The following BIVM variants were observed in gnomAD, a reference collection of about 807,000 sequenced individuals.
The protein encoded by BIVM is basic, immunoglobulin-like variable motif containing, also known as basic immunoglobulin-like variable motif-containing protein.
A neutral mutation model predicts 61.4 loss-of-function variants in BIVM; 31 were observed. That is an observed-to-expected ratio of 0.51 (90% CI 0.38 to 0.68). The LOEUF is 0.68. Among genes scored for constraint, BIVM ranks in the 30% least tolerant of loss-of-function variants. The pLI is 0.00. For missense variants in BIVM, 526 were observed against 596.0 expected (o/e 0.88, Z 1.22); for synonymous variants, 189 against 210.7 (o/e 0.90, Z 0.89).
chr13:102,821,955 C>G, intron 6 of BIVM, 108 bp downstream of exon 6: 3 of 1,522,602 alleles, frequency 2.0e-6, no homozygotes, highest in Non-Finnish European at 2.7e-6. Flanking sequence ...GGGCTTCAAC[C>G]TCTCATAGGT....
rs550981439 is a variant in BIVM at position 102,820,142 on chromosome 13, A to G, written c.606-895A>G. Among the ~76,000 whole-genome samples the G allele has an allele frequency of 3.3e-5, 5 of 152,236 alleles. No homozygotes were observed. The South Asian group carries it at 1.0e-3, about 32-fold the overall frequency. On this transcript the variant is annotated intron_variant, in intron 4 of 10. Coordinates refer to ENST00000257336, the MANE Select transcript of BIVM (RefSeq NM_017693.4). ...GGCTGAGGTGGAAGATCACAAGGTC[A>G]AGAGATTGAGACCATCCTGGCCAAC...
chr13:102,804,294 G>A (rs969041712), intron 1 of BIVM, among the ~76,000 whole-genome samples: 3 of 151,616 alleles, frequency 2.0e-5, no homozygotes, highest in Non-Finnish European at 4.4e-5. Flanking sequence ...ACAGGCATGC[G>A]TCACTACCGC....
At chr13:102,832,529 A>G (rs1881160599) in intron 8 of BIVM, among the ~76,000 whole-genome samples, 1 of 152,200 alleles carries the variant, frequency 6.6e-6, no homozygotes, top group Non-Finnish European at 1.5e-5. Flanking sequence ...ATTTATTATA[A>G]AACAGTTGCA....
chr13:102,813,657 A>G (rs1879653056), intron 3 of BIVM, among the ~76,000 whole-genome samples: 1 of 152,120 alleles, frequency 6.6e-6, no homozygotes, highest in Non-Finnish European at 1.5e-5. Context: ...TGTATCCTAG[A>G]GAGTGGGACT....
At chr13:102,820,904 G>A in intron 4 of BIVM, 133 bp from the exon 5 acceptor site, 1 of 765,092 alleles carries the variant, frequency 1.3e-6, no homozygotes, top group South Asian at 1.7e-5. Context: ...AAGTGAATAT[G>A]GAAGATTTTA....
Position 102,838,623 on chromosome 13 carries a change from T to C in BIVM, c.1122-20T>C. ...TAGACCTAAAGAAAATTGTGCTTTA[T>C]CCTTTCTTCTTAACTATAGATGGGC... On this transcript the variant is annotated intron_variant, in intron 9 of 10. Coordinates refer to ENST00000257336, the MANE Select transcript of BIVM (RefSeq NM_017693.4). 6.3e-7 allele frequency: 1 copy of C among 1,589,482 alleles called. No homozygotes were observed. The highest frequency in any genetic ancestry group is 8.5e-7 in the Non-Finnish European group (1 of 1,170,222).
At chr13:102,828,938 G>C (rs547421437) in intron 7 of BIVM, among the ~76,000 whole-genome samples, 1 of 151,944 alleles carries the variant, frequency 6.6e-6, no homozygotes, top group African/African-American at 2.4e-5. Context: ...GCTGAGGCAC[G>C]AGAATTGCTT....
At position 102,831,615 on chromosome 13, in the gene BIVM, G is replaced by C. The variant is rs1166528637; in HGVS notation, c.952G>C (p.Ala318Pro). 1.9e-6 allele frequency: 3 copies of C among 1,614,110 alleles called. No individual in the cohort carries two copies. The highest frequency in any genetic ancestry group is 2.5e-6 in the Non-Finnish European group (3 of 1,180,022). Residue 318 changes from alanine (A) to proline (P), a missense_variant, in exon 8 of 11, where the codon GCT (alanine) becomes CCT (proline). Coordinates refer to ENST00000257336, the MANE Select transcript of BIVM (RefSeq NM_017693.4). Reference protein sequence around the residue: ...LTRGLKDESLAYIYHCQNHYF... With the variant: ...LTRGLKDESLPYIYHCQNHYF... ...CCGTGGATTGAAAGATGAATCGCTG[G>C]CTTATATCTATCATTGCCAAAATCA...
At chr13:102,812,413 T>C (rs755982365) in intron 3 of BIVM, among the ~76,000 whole-genome samples, 3 of 152,210 alleles carry the variant, frequency 2.0e-5, no homozygotes, top group Non-Finnish European at 1.5e-5. Context: ...CTTATTCTGT[T>C]TCTTGTGATT....
intron 7 of BIVM, among the ~76,000 whole-genome samples, chr13:102,825,708 G>C (rs1454927648): frequency 6.6e-6 from 1 of 152,226 alleles, no homozygotes; most frequent in African/African-American, 2.4e-5. Flanking sequence ...CATGTGGAAT[G>C]TGGGATTTCA....
chr13:102,804,827 C>T (rs1878962123), intron 1 of BIVM, among the ~76,000 whole-genome samples: 1 of 152,158 alleles, frequency 6.6e-6, no homozygotes, highest in Non-Finnish European at 1.5e-5. Context: ...TTTTGCCTAG[C>T]ATATGTGGAG....
At chr13:102,815,903 G>A (rs963256341) in intron 3 of BIVM, among the ~76,000 whole-genome samples, 1 of 152,202 alleles carries the variant, frequency 6.6e-6, no homozygotes, top group Non-Finnish European at 1.5e-5. Context: ...TCATTCTGTC[G>A]TCTCTGTCGG....
Position 102,807,867 on chromosome 13 carries a change from A to G in BIVM, c.478+122A>G. 9.0e-7 allele frequency: 1 copy of G among 1,107,292 alleles called. No homozygotes were observed. The highest frequency in any genetic ancestry group is 2.6e-5 in the East Asian group (1 of 38,956). 68.6% of individuals were successfully genotyped at this position (1,107,292 alleles called of 1,614,324 possible). The stretch of plus-strand genomic sequence containing the variant: ...ATACTAGATAAGGAACATGGCTATC[A>G]TCTTGTCTGTCAATGTAGTTTTAGG... On this transcript the variant is annotated intron_variant, in intron 3 of 10. Coordinates refer to ENST00000257336, the MANE Select transcript of BIVM (RefSeq NM_017693.4). This position sits in a 1 kb window ranked among gnomAD's most constrained non-coding sequence, Gnocchi z 4.0.
chr13:102,830,084 T>C (rs973533729), intron 7 of BIVM, among the ~76,000 whole-genome samples: 3 of 152,060 alleles, frequency 2.0e-5, no homozygotes, highest in African/African-American at 7.2e-5. Flanking sequence ...GTTGAAATCC[T>C]GACACTTCAT....
intron 4 of BIVM, among the ~76,000 whole-genome samples, chr13:102,820,000 G>A (rs542777819): frequency 2.0e-5 from 3 of 152,198 alleles, no homozygotes; most frequent in East Asian, 3.9e-4. Flanking sequence ...GAAGGCCAAC[G>A]AGTGTTGTGG....
At chr13:102,811,318 C>T (rs951618037) in intron 3 of BIVM, among the ~76,000 whole-genome samples, 2 of 152,136 alleles carry the variant, frequency 1.3e-5, no homozygotes, top group Admixed American at 1.3e-4. Context: ...TGAGTTTCTT[C>T]TTCACTTTTG....
chr13:102,802,561 G>A (rs1052139669), intron 1 of BIVM, among the ~76,000 whole-genome samples: 1 of 152,092 alleles, frequency 6.6e-6, no homozygotes, highest in African/African-American at 2.4e-5. Context: ...AGTTTCCAAT[G>A]AGAATGTTTC....
chr13:102,820,856 G>A (rs1880222799), intron 4 of BIVM, 181 bp from the exon 5 acceptor site: 1 of 560,506 alleles, frequency 1.8e-6, no homozygotes. Context: ...GTTAAAGCAG[G>A]TGATTTATTG....
At chr13:102,810,498 C>T (rs1879424558) in intron 3 of BIVM, among the ~76,000 whole-genome samples, 1 of 152,210 alleles carries the variant, frequency 6.6e-6, no homozygotes, top group Non-Finnish European at 1.5e-5. Context: ...TTGAAGTAAT[C>T]ACTGATAAGG....
Sources: allele counts gnomAD v4.1 joint callset (sites outside exome capture counted in the v4.1 genomes callset), GRCh38; gene constraint gnomAD v4.1.1; non-coding constraint Gnocchi (gnomAD v3.1); transcripts MANE v1.5; gene names NCBI Gene and HGNC (gene_info 2026-07-23, HGNC 2026-07-21).